Variants in TGFBR3 observed in about 807,000 individuals in gnomAD.
TGFBR3 encodes the protein transforming growth factor beta receptor 3.
In TGFBR3, 46 loss-of-function variants were observed where a neutral mutation model predicts 87.9. That is an observed-to-expected ratio of 0.52 (90% confidence interval 0.41 to 0.67). The LOEUF (loss-of-function observed/expected upper bound fraction) is 0.67, where lower values mean the gene tolerates loss of function less well. TGFBR3 is among the 30% of genes least tolerant of loss of function. TGFBR3 has a pLI of 0.00. For missense variants in TGFBR3, 866 were observed against 1,041.9 expected (o/e 0.83, Z 2.32); for synonymous variants, 381 against 391.6 (o/e 0.97, Z 0.32).
chr1:91,810,693 G>GCTGC (rs1557723143), intron 2 of TGFBR3, among the ~76,000 whole-genome samples: 1 of 152,110 alleles, frequency 6.6e-6, no homozygotes, highest in Non-Finnish European at 1.5e-5. Context: ...TAATCCCAGC[G>GCTGC]CTGCCACATT....
chr1:91,713,276 C>T (rs1297612578), intron 12 of TGFBR3, among the ~76,000 whole-genome samples: 1 of 152,224 alleles, frequency 6.6e-6, no homozygotes, highest in Non-Finnish European at 1.5e-5. Context: ...CCTTTGAAAA[C>T]ACTTGTATGG....
intron 3 of TGFBR3, among the ~76,000 whole-genome samples, chr1:91,779,546 C>T (rs1013012328): frequency 6.6e-6 from 1 of 152,132 alleles, no homozygotes; most frequent in African/African-American, 2.4e-5. Flanking sequence ...AGGTGGTGGT[C>T]AGAAGTGGGC....
At chr1:91,788,881 A>C (rs1283226664) in intron 3 of TGFBR3, among the ~76,000 whole-genome samples, 1 of 152,186 alleles carries the variant, frequency 6.6e-6, no homozygotes, top group Non-Finnish European at 1.5e-5. Flanking sequence ...GAAATTATAT[A>C]ATTCTTTTTT....
intron 3 of TGFBR3, among the ~76,000 whole-genome samples, chr1:91,787,266 ACTC>A (rs1675005123): frequency 1.3e-5 from 2 of 152,042 alleles, no homozygotes; most frequent in African/African-American, 4.8e-5. Context: ...ACGCCACTGC[ACTC>A]CAGCCTGGTG....
chr1:91,718,076 TAAC>T (rs1425356275), intron 10 of TGFBR3, among the ~76,000 whole-genome samples: 1 of 151,950 alleles, frequency 6.6e-6, no homozygotes, highest in East Asian at 1.9e-4. Flanking sequence ...ATTATTTGAG[TAAC>T]AAAAGGAGAT....
chr1:91,727,865 T>C, intron 6 of TGFBR3, 59 bp from the exon 7 acceptor site: 1 of 1,593,292 alleles, frequency 6.3e-7, no homozygotes, highest in South Asian at 1.1e-5. Context: ...TGCAACTATC[T>C]CCCCTCTTCC....
chr1:91,838,087 C>T lies in TGFBR3; in HGVS notation c.61+23384G>A, dbSNP rs531020716. 5.9e-5 allele frequency among the ~76,000 whole-genome samples: 9 copies of T among 152,252 alleles called. No homozygotes were observed. In the East Asian group the frequency reaches 1.2e-3, roughly 20 times the overall value. The stretch of plus-strand genomic sequence containing the variant: ...AGTACACTGATAATTGAGTGACTTC[C>T]CTGCAAGGACCAAGAGTCCTTGGTG... On this transcript the variant is annotated intron_variant, in intron 2 of 16. Transcript: ENST00000212355.
At chr1:91,825,874 G>A (rs1337486206) in intron 2 of TGFBR3, among the ~76,000 whole-genome samples, 3 of 151,926 alleles carry the variant, frequency 2.0e-5, no homozygotes, top group South Asian at 2.1e-4. Flanking sequence ...CCAGCTCTTC[G>A]GGAGGCTGAG....
chr1:91,840,466 T>C (rs1677229136), intron 2 of TGFBR3, among the ~76,000 whole-genome samples: 1 of 145,578 alleles, frequency 6.9e-6, no homozygotes, highest in Non-Finnish European at 1.5e-5. Context: ...ATATCATGCA[T>C]GATTTTGTAA....
At chr1:91,799,173 A>G (rs1314461351) in intron 2 of TGFBR3, among the ~76,000 whole-genome samples, 3 of 152,370 alleles carry the variant, frequency 2.0e-5, no homozygotes, top group South Asian at 2.1e-4. Flanking sequence ...GTCTGCACCC[A>G]GAAGCAGACA....
At chr1:91,869,203 C>A (rs896480464) in intron 1 of TGFBR3, among the ~76,000 whole-genome samples, 2 of 152,162 alleles carry the variant, frequency 1.3e-5, no homozygotes, top group African/African-American at 4.8e-5. Context: ...GCAGTACAAC[C>A]CTTCAGGTTG....
intron 3 of TGFBR3, among the ~76,000 whole-genome samples, chr1:91,780,152 A>G (rs1218870263): frequency 2.0e-5 from 3 of 152,160 alleles, no homozygotes; most frequent in Non-Finnish European, 4.4e-5. Flanking sequence ...GGCTTTTTCT[A>G]TATAAAGGCA....
At chr1:91,851,860 A>G (rs910273856) in intron 2 of TGFBR3, among the ~76,000 whole-genome samples, 35 of 152,354 alleles carry the variant, frequency 2.3e-4, no homozygotes, top group Non-Finnish European at 2.9e-4. Flanking sequence ...CTAACATCAC[A>G]TCTAGCAATA....
chr1:91,703,776 C>T (rs1012753538), intron 14 of TGFBR3, among the ~76,000 whole-genome samples: 3 of 152,188 alleles, frequency 2.0e-5, no homozygotes, highest in Non-Finnish European at 4.4e-5. Flanking sequence ...ATGGCACCAC[C>T]TCAACTATTT....
intron 2 of TGFBR3, among the ~76,000 whole-genome samples, chr1:91,825,228 A>G (rs925168160): frequency 6.6e-6 from 1 of 152,272 alleles, no homozygotes; most frequent in Non-Finnish European, 1.5e-5. Context: ...CCCAGACAGG[A>G]AACAATGCAA....
Position 91,766,736 on chromosome 1 carries a change from A to G in TGFBR3, c.247-7986T>C, listed in dbSNP as rs1172578357. ...CTAGATTCTCACCATTTGCATCCCC[A>G]TTGCTCCTATAGATAGATAGGATGT... is the stretch of plus-strand genomic sequence containing the variant. On this transcript the variant is annotated intron_variant, in intron 3 of 16. Transcript: ENST00000212355. 2.3e-5 allele frequency among the ~76,000 whole-genome samples: 3 copies of G among 133,208 alleles called. 1 individual carries two copies. The highest frequency in any genetic ancestry group is 8.5e-5 in the African/African-American group (3 of 35,426). 87.4% of individuals were successfully genotyped at this position (133,208 alleles called of 152,430 possible).
intron 4 of TGFBR3, among the ~76,000 whole-genome samples, chr1:91,742,599 C>T (rs1673193247): frequency 6.6e-6 from 1 of 152,212 alleles, no homozygotes; most frequent in Admixed American, 6.5e-5. Flanking sequence ...AATGAACTTT[C>T]CTCCTGCTTG....
chr1:91,903,944 C>T (rs542892342), intron 1 of TGFBR3, among the ~76,000 whole-genome samples: 112 of 152,120 alleles, frequency 7.4e-4, no homozygotes, highest in Admixed American at 2.1e-3. Flanking sequence ...GAGGCCTAGG[C>T]GGGCAGACTG....
At chr1:91,868,863 G>T (rs1191499800) in intron 1 of TGFBR3, among the ~76,000 whole-genome samples, 2 of 152,124 alleles carry the variant, frequency 1.3e-5, no homozygotes, top group Non-Finnish European at 2.9e-5. Context: ...TTAGAGCCCA[G>T]GCATGTGAAA....
Sources: allele counts gnomAD v4.1 joint callset (sites outside exome capture counted in the v4.1 genomes callset), GRCh38; gene constraint gnomAD v4.1.1; transcripts MANE v1.5; gene names NCBI Gene and HGNC (gene_info 2026-07-23, HGNC 2026-07-21).